ELK3: variants seen among roughly 807,000 people sequenced by gnomAD.
The protein encoded by ELK3 is ETS domain-containing protein Elk-3.
In ELK3, 10 loss-of-function variants were observed where a neutral mutation model predicts 28.9. That is an observed-to-expected ratio of 0.35 (90% CI 0.21 to 0.59). The LOEUF (loss-of-function observed/expected upper bound fraction) is 0.59, where lower values mean the gene tolerates loss of function less well. Among genes scored for constraint, ELK3 ranks in the 20% least tolerant of loss-of-function variants. The pLI is 0.82. For synonymous variants in ELK3, 272 were observed against 243.5 expected (o/e 1.12, Z -1.09); for missense variants, 463 against 517.3 (o/e 0.90, Z 1.02).
Position 96,223,793 on chromosome 12 carries a change from TG to T in ELK3, c.207+24del, listed in dbSNP as rs1417477988. On this transcript the variant is annotated intron_variant, in intron 2 of 4. Transcript: ENST00000228741. ...GACAAGGTAAACCCTTGACCTTGCA[TG>T]GGGCCGTCTTGGGGAGGGTGGAATC... The T allele has an allele frequency of 1.9e-6, 3 of 1,612,462 alleles. No homozygotes were observed. Among genetic ancestry groups the T allele is most frequent in the Non-Finnish European group, 2.5e-6 (3 of 1,178,812 alleles).
At chr12:96,233,045 G>A (rs1276533415) in intron 2 of ELK3, among the ~76,000 whole-genome samples, 1 of 152,160 alleles carries the variant, frequency 6.6e-6, no homozygotes, top group East Asian at 1.9e-4. Context: ...TCCTCTTACT[G>A]TTCTTGGCAT....
intron 2 of ELK3, among the ~76,000 whole-genome samples, chr12:96,229,523 C>CTTTTTTTTT (rs10578974): frequency 3.0e-5 from 2 of 66,272 alleles, no homozygotes; most frequent in Non-Finnish European, 5.2e-5. Context: ...CCAGATTTTC[C>CTTTTTTTTT]TTTTTTTTTT....
chr12:96,234,557 C>T (rs1208075622), intron 2 of ELK3, among the ~76,000 whole-genome samples: 1 of 152,176 alleles, frequency 6.6e-6, no homozygotes, highest in Non-Finnish European at 1.5e-5. Context: ...TGCCTGTGCT[C>T]CTCCACGGCT....
intron 2 of ELK3, among the ~76,000 whole-genome samples, chr12:96,229,828 C>T (rs1439042498): frequency 6.6e-6 from 1 of 152,130 alleles, no homozygotes; most frequent in East Asian, 1.9e-4. Flanking sequence ...CCGTGCCTGG[C>T]CGATTTTCCT....
At chr12:96,222,669 T>C (rs909794773) in intron 1 of ELK3, 1 of 152,214 alleles carries the variant, frequency 6.6e-6, no homozygotes, top group African/African-American at 2.4e-5. Context: ...CTTAGACATA[T>C]ACCACAACCA....
Position 96,267,996 on chromosome 12 carries a change from G to A in ELK3, c.*816G>A, listed in dbSNP as rs1285064043. On this transcript the variant is annotated 3_prime_UTR_variant, in exon 5 of 5. Transcript: ENST00000228741. ...ATTCCAGGCCCAAGAATATCTCCTAGGTTAGCATATTCTTATTTCAAAAAA... is the reference window on the plus strand; with the variant it reads ...ATTCCAGGCCCAAGAATATCTCCTAAGTTAGCATATTCTTATTTCAAAAAA... The A allele has an allele frequency of 6.6e-6, 1 of 150,546 alleles. No individual in the cohort carries two copies. The highest frequency in any genetic ancestry group is 2.4e-5 in the African/African-American group (1 of 41,322). The allele number at this position is 150,546 out of a possible 1,614,324, so 9.3% of individuals were successfully genotyped here.
In ELK3 at chr12:96,268,161, G is replaced by A. The variant is rs1248265117; in HGVS notation, c.*981G>A. The A allele has an allele frequency of 6.6e-6, 1 of 152,220 alleles. No individual in the cohort carries two copies. Among genetic ancestry groups the A allele is most frequent in the Non-Finnish European group, 1.5e-5 (1 of 68,042 alleles). The allele number at this position is 152,220 out of a possible 1,614,324, so 9.4% of individuals were successfully genotyped here. A position where few individuals can be genotyped will look rare whatever the true frequency, so the allele number is the denominator to read the frequency against. On this transcript the variant is annotated 3_prime_UTR_variant, in exon 5 of 5. Transcript: ENST00000228741. ...TAATGCTTTAGAAGAAGCTCACAGA[G>A]TGGTGATGAACCCAAACAACAAAGA...
intron 3 of ELK3, among the ~76,000 whole-genome samples, chr12:96,259,212 A>G (rs947031683): frequency 2.0e-5 from 3 of 152,216 alleles, no homozygotes; most frequent in African/African-American, 7.2e-5. Context: ...TAATGTGTCA[A>G]TACCTTTTTC....
chr12:96,259,339 G>A (rs1285058476), intron 3 of ELK3, among the ~76,000 whole-genome samples: 1 of 152,090 alleles, frequency 6.6e-6, no homozygotes, highest in Non-Finnish European at 1.5e-5. Flanking sequence ...ATCACTTGAG[G>A]TCAGGAGTTC....
intron 1 of ELK3, among the ~76,000 whole-genome samples, chr12:96,216,368 G>C (rs761431191): frequency 1.3e-5 from 2 of 152,228 alleles, no homozygotes; most frequent in Non-Finnish European, 2.9e-5. Flanking sequence ...TGTTTGTTAA[G>C]CTGGAGTCGG....
intron 1 of ELK3, among the ~76,000 whole-genome samples, chr12:96,221,400 G>A (rs1951660790): frequency 6.6e-6 from 1 of 152,156 alleles, no homozygotes; most frequent in African/African-American, 2.4e-5. Context: ...GGGGGGTGGC[G>A]GTGGCCGACC....
Position 96,269,599 on chromosome 12 carries a change from G to A in ELK3, c.*2419G>A, listed in dbSNP as rs927882713. 1 of 152,144 alleles carries A rather than the reference G, an allele frequency of 6.6e-6. No homozygotes were observed. The highest frequency in any genetic ancestry group is 1.5e-5 in the Non-Finnish European group (1 of 68,002). The allele number at this position is 152,144 out of a possible 1,614,324, so 9.4% of individuals were successfully genotyped here. Reference sequence around the variant, plus strand: ...TGTGTGCATGTGTGTGTTAGCAGAGGTATTTTACTCAGAAAATAGGTTTCA... The same window carrying A: ...TGTGTGCATGTGTGTGTTAGCAGAGATATTTTACTCAGAAAATAGGTTTCA... On this transcript the variant is annotated 3_prime_UTR_variant, in exon 5 of 5. Coordinates refer to ENST00000228741, the MANE Select transcript of ELK3 (RefSeq NM_005230.4).
rs572191905 is a variant in ELK3, at chr12:96,267,688, G to A, written c.*508G>A. ...AGAATTTCATTATTTTTCACCAGTG[G>A]GCAATATGAAAGCATATATCACGTT... On this transcript the variant is annotated 3_prime_UTR_variant, in exon 5 of 5. Coordinates refer to ENST00000228741, the MANE Select transcript of ELK3 (RefSeq NM_005230.4). 4 of 152,708 alleles carry A rather than the reference G, an allele frequency of 2.6e-5. No homozygotes were observed. Among genetic ancestry groups the A allele is most frequent in the Admixed American group, 2.6e-4 (4 of 15,294 alleles). The allele number at this position is 152,708 out of a possible 1,614,324, so 9.5% of individuals were successfully genotyped here.
rs540985633 is a variant in ELK3 at position 96,249,571 on chromosome 12, T to C, written c.1002+1837T>C. ...TGAGAGGCAGGGCCAGGGTAGATGATCTGAGCATCTCCTCCCCTGGCCTCC... is the reference window on the plus strand; with the variant it reads ...TGAGAGGCAGGGCCAGGGTAGATGACCTGAGCATCTCCTCCCCTGGCCTCC... On this transcript the variant is annotated intron_variant, in intron 3 of 4. Coordinates refer to ENST00000228741, the MANE Select transcript of ELK3 (RefSeq NM_005230.4). Among the ~76,000 whole-genome samples the C allele has an allele frequency of 3.9e-5, 6 of 152,236 alleles. No homozygotes were observed. In the South Asian group the frequency reaches 6.2e-4, roughly 16 times the overall value.
rs138712789 is a variant in ELK3 at position 96,241,361 on chromosome 12, CATCT to C, written c.208-5573_208-5570del. On this transcript the variant is annotated intron_variant, in intron 2 of 4. Transcript: ENST00000228741. ...TTACAAAACTTATCGAAATATTTCT[CATCT>C]ATCTACTATTTGAGATTATTTACAC... 8.9e-3 allele frequency among the ~76,000 whole-genome samples: 1,350 copies of C among 152,026 alleles called. 14 individuals carry two copies. The highest frequency in any genetic ancestry group is 0.016 in the Non-Finnish European group (1,070 of 68,012).
chr12:96,226,685 GACATGTGCACACGCATACATGT>G (rs1269735261), intron 2 of ELK3, among the ~76,000 whole-genome samples: 4 of 150,178 alleles, frequency 2.7e-5, no homozygotes, highest in African/African-American at 7.6e-5. Context: ...CATATGCACA[GACATGTGCACACGCATACATGT>G]ACATGTGCAC....
intron 2 of ELK3, among the ~76,000 whole-genome samples, chr12:96,242,032 C>T (rs554502571): frequency 2.6e-4 from 40 of 152,346 alleles, no homozygotes; most frequent in African/African-American, 9.4e-4. Flanking sequence ...TCTAAAACCA[C>T]GCTGGAGATG....
chr12:96,257,015 T>C (rs1472141966), intron 3 of ELK3, among the ~76,000 whole-genome samples: 1 of 152,238 alleles, frequency 6.6e-6, no homozygotes, highest in Non-Finnish European at 1.5e-5. Flanking sequence ...CTGTGGCATC[T>C]CCTTTCCCAG....
chr12:96,266,329 A>G (rs1329844916), intron 4 of ELK3, among the ~76,000 whole-genome samples: 1 of 152,200 alleles, frequency 6.6e-6, no homozygotes, highest in East Asian at 1.9e-4. Flanking sequence ...TTGACACATC[A>G]TCCTCAACAA....
Sources: gnomAD v4.1 joint callset for allele counts (sites outside exome capture counted in the v4.1 genomes callset) on GRCh38, gnomAD v4.1.1 for gene constraint, MANE v1.5 for transcripts, NCBI Gene and HGNC (gene_info 2026-07-23, HGNC 2026-07-21) for gene names.